Variants in CDH19 observed in about 807,000 individuals in gnomAD.
The protein encoded by CDH19 is cadherin-19.
Under a neutral mutation model 64.2 loss-of-function variants are expected in CDH19, and 67 were observed. The ratio of observed to expected loss-of-function variants is 1.04; its 90% CI spans 0.86 to 1.28. CDH19 has a LOEUF of 1.28. Among genes scored for constraint, CDH19 ranks in the 50% most tolerant of loss-of-function variants. The probability of loss-of-function intolerance (pLI) is 0.00; values close to 1 mark genes in which losing one functional copy is unlikely to be tolerated. For synonymous variants in CDH19, 346 were observed against 319.3 expected (o/e 1.08, Z -0.89); for missense variants, 1,030 against 929.0 (o/e 1.11, Z -1.41).
chr18:66,576,160 T>G (rs913594808), intron 1 of CDH19, among the ~76,000 whole-genome samples: 3 of 151,232 alleles, frequency 2.0e-5, no homozygotes, highest in African/African-American at 7.3e-5. Context: ...GAAAAAAACA[T>G]ACAAGTAGCA....
At chr18:66,554,217 A>G (rs1987435436) in intron 4 of CDH19, among the ~76,000 whole-genome samples, 188 bp downstream of exon 4, 1 of 152,022 alleles carries the variant, frequency 6.6e-6, no homozygotes, top group Non-Finnish European at 1.5e-5. Flanking sequence ...TGCTATGGAC[A>G]TGAAAAATCC....
chr18:66,518,917 T>C (rs1203591130), intron 9 of CDH19, among the ~76,000 whole-genome samples: 1 of 152,174 alleles, frequency 6.6e-6, no homozygotes, highest in Non-Finnish European at 1.5e-5. Context: ...CACAAGAAAA[T>C]GTAAACCCTG....
At chr18:66,569,691 A>T (rs1220574162) in intron 2 of CDH19, among the ~76,000 whole-genome samples, 2 of 151,716 alleles carry the variant, frequency 1.3e-5, no homozygotes, top group Admixed American at 6.6e-5. Flanking sequence ...ATGATCACAT[A>T]GCTTTTCATA....
intron 1 of CDH19, among the ~76,000 whole-genome samples, chr18:66,602,293 C>CA (rs1228209257): frequency 2.6e-5 from 4 of 151,716 alleles, no homozygotes; most frequent in African/African-American, 9.7e-5. Context: ...TCATGAGTGG[C>CA]AAAAATGATC....
chr18:66,509,547 T>G (rs1463625344), intron 10 of CDH19, among the ~76,000 whole-genome samples: 1 of 151,908 alleles, frequency 6.6e-6, no homozygotes, highest in African/African-American at 2.4e-5. Flanking sequence ...TTTATATTAT[T>G]ATTGAATTAA....
intron 1 of CDH19, among the ~76,000 whole-genome samples, chr18:66,598,948 C>T (rs1015346949): frequency 1.3e-5 from 2 of 151,788 alleles, no homozygotes; most frequent in Admixed American, 6.6e-5. Flanking sequence ...TATTTTGATA[C>T]AAAATATTTT....
intron 7 of CDH19, among the ~76,000 whole-genome samples, chr18:66,541,956 T>G (rs903828163): frequency 3.3e-5 from 5 of 152,132 alleles, no homozygotes; most frequent in Admixed American, 3.3e-4. Context: ...TTATTGTGCT[T>G]TAAAATGTAT....
At chr18:66,524,377 A>C (rs1986123968) in intron 9 of CDH19, among the ~76,000 whole-genome samples, 1 of 151,888 alleles carries the variant, frequency 6.6e-6, no homozygotes, top group South Asian at 2.1e-4. Flanking sequence ...TCGATTGTAC[A>C]TAGTTAATAA....
chr18:66,600,435 C>A (rs2144648781), intron 1 of CDH19, among the ~76,000 whole-genome samples: 1 of 151,592 alleles, frequency 6.6e-6, no homozygotes, highest in South Asian at 2.1e-4. Flanking sequence ...CTTTTTTATG[C>A]ACAAAAAAAT....
intron 7 of CDH19, among the ~76,000 whole-genome samples, chr18:66,537,412 T>C (rs1192799232): frequency 1.3e-5 from 2 of 151,920 alleles, no homozygotes; most frequent in Admixed American, 6.6e-5. Flanking sequence ...TGATATACTT[T>C]CTTAGGCTAT....
rs768358569 is a variant in CDH19 at position 66,551,081 on chromosome 18, C to A, written c.775+13G>T. On this transcript the variant is annotated intron_variant, in intron 5 of 11. Coordinates refer to ENST00000262150, the MANE Select transcript of CDH19 (RefSeq NM_021153.4). ...TTATAATGTAATGAAGATGTAGAAT[C>A]CTTTTTACTTACTTTCTTTAAATAT... is the stretch of plus-strand genomic sequence containing the variant. The A allele has an allele frequency of 4.6e-5, 64 of 1,402,860 alleles. No homozygotes were observed. In the Admixed American group the frequency reaches 1.1e-3, roughly 24 times the overall value. The allele number at this position is 1,402,860 out of a possible 1,614,324, so 86.9% of individuals were successfully genotyped here.
chr18:66,522,126 T>G (rs11876016), intron 9 of CDH19, among the ~76,000 whole-genome samples: 2,927 of 151,372 alleles, frequency 0.019, 97 homozygotes, highest in African/African-American at 0.067. Context: ...TTTTTTGTAT[T>G]TTTAGTAGAG....
chr18:66,544,653 T>C (rs1987030248), intron 6 of CDH19, 66 bp downstream of exon 6: 1 of 1,099,712 alleles, frequency 9.1e-7, no homozygotes, highest in African/African-American at 1.6e-5. Flanking sequence ...ACTAACCAGC[T>C]ACACAAAATA....
rs753484645 is a variant in CDH19, at chr18:66,551,182, C to CT, written c.686_687insA (p.Met229IlefsTer17). 3 of 1,603,166 alleles carry CT rather than the reference C, an allele frequency of 1.9e-6. No individual in the cohort carries two copies. In the African/African-American group the frequency reaches 4.0e-5, roughly 21 times the overall value. ...CAGACAACGCTCCTGGCTGACCAAT[C>CT]ATGTCCTTGGCTTGAATGATTACCC... On this transcript the variant is annotated frameshift_variant, in exon 5 of 12. Coordinates refer to ENST00000262150, the MANE Select transcript of CDH19 (RefSeq NM_021153.4). LOFTEE classifies it high-confidence loss of function.
At chr18:66,533,613 C>A (rs1206442189) in intron 8 of CDH19, among the ~76,000 whole-genome samples, 2 of 116,572 alleles carry the variant, frequency 1.7e-5, no homozygotes, top group African/African-American at 3.9e-5. Context: ...AACTTCACAG[C>A]TTCACCTTAA....
intron 7 of CDH19, among the ~76,000 whole-genome samples, chr18:66,538,535 AAG>A (rs150876464): frequency 1.1e-3 from 171 of 152,048 alleles, no homozygotes; most frequent in African/African-American, 3.9e-3. Flanking sequence ...TCACCTATTG[AAG>A]GATATTTGAG....
chr18:66,593,533 C>T (rs567362951), intron 1 of CDH19, among the ~76,000 whole-genome samples: 3 of 151,610 alleles, frequency 2.0e-5, no homozygotes, highest in Non-Finnish European at 2.9e-5. Context: ...ACTTAGTAGT[C>T]GAAAAAACCT....
intron 1 of CDH19, among the ~76,000 whole-genome samples, chr18:66,588,354 A>T (rs1470008679): frequency 2.6e-5 from 4 of 152,210 alleles, no homozygotes; most frequent in Admixed American, 2.6e-4. Flanking sequence ...TTATTGTAAA[A>T]TGAAGATTTG....
chr18:66,501,782 A>G lies in CDH19; in HGVS notation c.*3030T>C, dbSNP rs773952443. The G allele has an allele frequency of 1.3e-5, 2 of 152,118 alleles. No individual in the cohort carries two copies. Among genetic ancestry groups the G allele is most frequent in the Non-Finnish European group, 2.9e-5 (2 of 68,014 alleles). The allele number at this position is 152,118 out of a possible 1,614,324, so 9.4% of individuals were successfully genotyped here. On this transcript the variant is annotated 3_prime_UTR_variant, in exon 12 of 12. Transcript: ENST00000262150. ...ATGTGAAATAGGTTGATTGGACGTC[A>G]TTTTACAAAGTGAGATCTGGAAAGA... is the stretch of plus-strand genomic sequence containing the variant.
Sources: gnomAD v4.1 joint callset for allele counts (sites outside exome capture counted in the v4.1 genomes callset) on GRCh38, gnomAD v4.1.1 for gene constraint, MANE v1.5 for transcripts, NCBI Gene and HGNC (gene_info 2026-07-23, HGNC 2026-07-21) for gene names.